GALNT6: variants seen among roughly 807,000 people sequenced by gnomAD.
The protein encoded by GALNT6 is GalNAc transferase 6.
Under a neutral mutation model 65.9 loss-of-function variants are expected in GALNT6, and 51 were observed. The ratio of observed to expected loss-of-function variants is 0.77; its 90% CI spans 0.62 to 0.98. GALNT6 has a LOEUF of 0.98. GALNT6 is among the 50% of genes least tolerant of loss of function. The pLI, the probability that GALNT6 is intolerant of heterozygous loss-of-function variation, is 0.00. For missense variants in GALNT6, 708 were observed against 803.3 expected (o/e 0.88, Z 1.43); for synonymous variants, 323 against 315.1 (o/e 1.02, Z -0.26).
chr12:51,364,914 G>A (rs1243270072), intron 5 of GALNT6, among the ~76,000 whole-genome samples: 1 of 152,192 alleles, frequency 6.6e-6, no homozygotes, highest in Admixed American at 6.5e-5. Context: ...TGTTAGTGGG[G>A]CAGGGTCAGA....
Position 51,378,892 on chromosome 12 carries a change from C to A in GALNT6, c.491+399G>T, listed in dbSNP as rs559370260. ...TGTTAAGAAATGCCCACCCCCCCCCCAAACAGCTCAGCATTAGAGTCCCAC... is the reference window on the plus strand; with the variant it reads ...TGTTAAGAAATGCCCACCCCCCCCCAAAACAGCTCAGCATTAGAGTCCCAC... On this transcript the variant is annotated intron_variant, in intron 3 of 11. Coordinates refer to ENST00000356317, the MANE Select transcript of GALNT6 (RefSeq NM_007210.4). 1.5e-4 allele frequency among the ~76,000 whole-genome samples: 22 copies of A among 146,744 alleles called. No homozygotes were observed. In the South Asian group the frequency reaches 3.4e-3, roughly 23 times the overall value.
rs980000756 is a variant in GALNT6 at position 51,355,934 on chromosome 12, C to G, written c.1627G>C (p.Asp543His). The change falls in exon 11 of 12, where the codon GAC (aspartate) becomes CAC (histidine). Residue 543 changes from aspartate to histidine, a missense_variant. Transcript: ENST00000356317. ...TGCTTTGCGATGTTGTGGCGAAGGTCCCTCTGAGTTGTGTACTCAAAGTAC... is the reference window on the plus strand; with the variant it reads ...TGCTTTGCGATGTTGTGGCGAAGGTGCCTCTGAGTTGTGTACTCAAAGTAC... ...NQYFEYTTQR[D>H]LRHNIAKQLC... The G allele has an allele frequency of 6.2e-7, 1 of 1,613,322 alleles. No homozygotes were observed. The highest frequency in any genetic ancestry group is 8.5e-7 in the Non-Finnish European group (1 of 1,179,574).
intron 3 of GALNT6, among the ~76,000 whole-genome samples, 163 bp from the exon 4 acceptor site, chr12:51,377,530 C>T (rs375786006): frequency 2.0e-5 from 3 of 152,214 alleles, no homozygotes; most frequent in African/African-American, 7.2e-5. Context: ...TCCTGTCTTC[C>T]CCGGTATCTG....
chr12:51,368,000 G>C (rs1386489392), intron 4 of GALNT6, among the ~76,000 whole-genome samples: 1 of 152,092 alleles, frequency 6.6e-6, no homozygotes, highest in Non-Finnish European at 1.5e-5. Context: ...TCCCTCCAGG[G>C]GAAGTGAGGC....
At chr12:51,355,570 G>A (rs956515292) in intron 11 of GALNT6, among the ~76,000 whole-genome samples, 11 of 152,184 alleles carry the variant, frequency 7.2e-5, no homozygotes, top group African/African-American at 2.2e-4. Context: ...CCTGGGTTCC[G>A]GCAATTCTCC....
At chr12:51,367,785 G>A (rs1432790222) in intron 4 of GALNT6, among the ~76,000 whole-genome samples, 3 of 152,214 alleles carry the variant, frequency 2.0e-5, no homozygotes, top group African/African-American at 4.8e-5. Context: ...AGTGTGTGCC[G>A]GTGTGGGTGA....
chr12:51,380,249 CCAGA>C (rs1438021598), intron 2 of GALNT6, among the ~76,000 whole-genome samples: 23 of 152,194 alleles, frequency 1.5e-4, no homozygotes, highest in Admixed American at 1.4e-3. Flanking sequence ...ATTTTATATC[CCAGA>C]CAAACTCTGG....
intron 4 of GALNT6, among the ~76,000 whole-genome samples, chr12:51,369,477 C>T (rs1947220751): frequency 6.6e-6 from 1 of 152,188 alleles, no homozygotes; most frequent in African/African-American, 2.4e-5. Flanking sequence ...AGCCTTCCAA[C>T]TTAGGTTCAA....
At chr12:51,372,665 T>C (rs1592336858) in intron 4 of GALNT6, among the ~76,000 whole-genome samples, 1 of 152,352 alleles carries the variant, frequency 6.6e-6, no homozygotes, top group Admixed American at 6.5e-5. Flanking sequence ...CTGGGGCTAC[T>C]GCCAACTCTG....
At chr12:51,386,901 C>T (rs1857603786) in intron 2 of GALNT6, among the ~76,000 whole-genome samples, 2 of 152,202 alleles carry the variant, frequency 1.3e-5, no homozygotes, top group Admixed American at 1.3e-4. Context: ...GCCCTCCTCC[C>T]ACCCCTGACC....
chr12:51,371,170 G>A (rs112607599), intron 4 of GALNT6, among the ~76,000 whole-genome samples: 17,585 of 151,500 alleles, frequency 0.12, 1,402 homozygotes, highest in Non-Finnish European at 0.16. Context: ...TGCAACCTCC[G>A]CCTCCGGGGT....
At chr12:51,368,256 T>C (rs867318046) in intron 4 of GALNT6, among the ~76,000 whole-genome samples, 5 of 151,914 alleles carry the variant, frequency 3.3e-5, no homozygotes, top group Admixed American at 1.3e-4. Flanking sequence ...TTTCCCTGTG[T>C]GTGAGATCCC....
intron 2 of GALNT6, among the ~76,000 whole-genome samples, chr12:51,386,723 G>C (rs1565737997): frequency 6.6e-6 from 1 of 152,072 alleles, no homozygotes; most frequent in Non-Finnish European, 1.5e-5. Context: ...ATTGGGGAGG[G>C]GGCAGGTTAA....
chr12:51,358,059 G>A, intron 9 of GALNT6, 71 bp downstream of exon 9: 1 of 1,395,814 alleles, frequency 7.2e-7, no homozygotes, highest in Non-Finnish European at 1.0e-6. Flanking sequence ...TCCATCTGTG[G>A]GGTCAGTGGT....
intron 10 of GALNT6, 142 bp downstream of exon 10, chr12:51,357,207 T>A (rs1378606501): frequency 6.5e-6 from 4 of 615,802 alleles, no homozygotes; most frequent in Non-Finnish European, 1.2e-5. Context: ...TTGTGTGTGT[T>A]ATGCCTTCTC....
chr12:51,370,370 C>A (rs1012796774), intron 4 of GALNT6, among the ~76,000 whole-genome samples: 3 of 152,090 alleles, frequency 2.0e-5, no homozygotes, highest in Non-Finnish European at 2.9e-5. Flanking sequence ...CACGGAGAAA[C>A]CCTGTCTCTA....
intron 2 of GALNT6, chr12:51,383,455 ACT>A (rs1360492768): frequency 6.6e-6 from 1 of 151,848 alleles, no homozygotes; most frequent in African/African-American, 2.4e-5. Context: ...AGTGCTCAAG[ACT>A]CACCCCCTCC....
intron 8 of GALNT6, among the ~76,000 whole-genome samples, chr12:51,358,599 C>G (rs1375443243): frequency 6.6e-6 from 1 of 152,140 alleles, no homozygotes; most frequent in Non-Finnish European, 1.5e-5. Context: ...CCACACCCAG[C>G]CAGTTCCACC....
At position 51,377,247 on chromosome 12, in the gene GALNT6, G is replaced by A; in HGVS notation, c.612C>T (p.Thr204=). The part of the protein sequence containing the change: ...LRTVYSVLHT[T]PAILLKEIIL... The stretch of plus-strand genomic sequence containing the variant: ...TGATCTCCTTGAGCAAGATGGCAGG[G>A]GTGGTGTGTAGGACGCTGTACACTG... Residue 204 remains threonine, a synonymous_variant, in exon 4 of 12, where the codon ACC becomes ACT. Transcript: ENST00000356317. The A allele has an allele frequency of 6.2e-7, 1 of 1,613,908 alleles. No individual in the cohort carries two copies. Among genetic ancestry groups the A allele is most frequent in the Non-Finnish European group, 8.5e-7 (1 of 1,180,014 alleles).
Sources: gnomAD v4.1 joint callset for allele counts (sites outside exome capture counted in the v4.1 genomes callset) on GRCh38, gnomAD v4.1.1 for gene constraint, MANE v1.5 for transcripts, NCBI Gene and HGNC (gene_info 2026-07-23, HGNC 2026-07-21) for gene names.